UBTD1: variants seen among roughly 807,000 people sequenced by gnomAD.
UBTD1 encodes the protein ubiquitin domain containing 1.
UBTD1 carries 19 observed loss-of-function variants against 21.7 expected under a neutral mutation model. That is an observed-to-expected ratio of 0.87 (90% CI 0.61 to 1.28). The LOEUF (loss-of-function observed/expected upper bound fraction) is 1.28, where lower values mean the gene tolerates loss of function less well. Among genes scored for constraint, UBTD1 ranks in the 50% most tolerant of loss-of-function variants. The pLI, the probability that UBTD1 is intolerant of heterozygous loss-of-function variation, is 0.00. For synonymous variants in UBTD1, 116 were observed against 135.1 expected, an observed-to-expected ratio of 0.86 and a Z score of 0.98; for missense variants, 282 against 315.1, an observed-to-expected ratio of 0.89 and a Z score of 0.80.
At chr10:97,561,201 G>A (rs967584754) in intron 1 of UBTD1, among the ~76,000 whole-genome samples, 1 of 152,106 alleles carries the variant, frequency 6.6e-6, no homozygotes, top group African/African-American at 2.4e-5. Flanking sequence ...GCGCTCTTTG[G>A]ATTGCATCAC....
chr10:97,551,365 T>C lies in UBTD1; in HGVS notation c.71-16549T>C, dbSNP rs75972784. On this transcript the variant is annotated intron_variant, in intron 1 of 2. Transcript: ENST00000370664. ...AGCCTGGGCAACATAGGGAGACCTCTCTATTAAAAAAAAAAAAAAAGTTTA... is the reference window on the plus strand; with the variant it reads ...AGCCTGGGCAACATAGGGAGACCTCCCTATTAAAAAAAAAAAAAAAGTTTA... Among the ~76,000 whole-genome samples the C allele has an allele frequency of 9.8e-3, 1,392 of 142,478 alleles. 32 individuals carry two copies. Among genetic ancestry groups the C allele is most frequent in the East Asian group, 0.092 (403 of 4,390 alleles). The allele number at this position is 142,478 out of a possible 152,430, so 93.5% of individuals were successfully genotyped here. A position where few individuals can be genotyped will look rare whatever the true frequency, so the allele number is the denominator to read the frequency against.
Position 97,509,776 on chromosome 10 carries a change from G to A in UBTD1, c.70+10503G>A, listed in dbSNP as rs543265370. 8.6e-5 allele frequency among the ~76,000 whole-genome samples: 13 copies of A among 151,912 alleles called. No individual in the cohort carries two copies. The South Asian group carries it at 2.5e-3, about 29-fold the overall frequency. ...AGCGATTCTCCTACCTCAGCCTCCC[G>A]AGTAGCTGGGATTATAGGCGTACAC... On this transcript the variant is annotated intron_variant, in intron 1 of 2. Transcript: ENST00000370664.
Position 97,523,758 on chromosome 10 carries a change from C to A in UBTD1, c.70+24485C>A, listed in dbSNP as rs922373720. ...TCTTTGGGTGTAACTTGGTGGACATCAGAGTTCAGAGTTGAGGTGGTGCAG... is the reference window on the plus strand; with the variant it reads ...TCTTTGGGTGTAACTTGGTGGACATAAGAGTTCAGAGTTGAGGTGGTGCAG... On this transcript the variant is annotated intron_variant, in intron 1 of 2. Coordinates refer to ENST00000370664, the MANE Select transcript of UBTD1 (RefSeq NM_024954.5). 1.8e-4 allele frequency among the ~76,000 whole-genome samples: 27 copies of A among 151,798 alleles called. 1 individual carries two copies. Among genetic ancestry groups the A allele is most frequent in the Admixed American group, 1.2e-3 (19 of 15,242 alleles).
intron 1 of UBTD1, among the ~76,000 whole-genome samples, chr10:97,507,772 C>A (rs969788400): frequency 2.4e-5 from 2 of 82,510 alleles, no homozygotes; most frequent in Non-Finnish European, 4.6e-5. Flanking sequence ...AAGACTCCGT[C>A]TCAAAAAAAA....
intron 1 of UBTD1, among the ~76,000 whole-genome samples, chr10:97,549,380 T>C (rs2040625852): frequency 6.6e-6 from 1 of 152,254 alleles, no homozygotes; most frequent in African/African-American, 2.4e-5. Flanking sequence ...CCATCTGATC[T>C]GTGCCTCCCC....
chr10:97,557,292 T>C (rs796332918), intron 1 of UBTD1, among the ~76,000 whole-genome samples: 9 of 152,348 alleles, frequency 5.9e-5, no homozygotes, highest in African/African-American at 2.2e-4. Context: ...CCTCTCTTTT[T>C]ATTAGGATGC....
At chr10:97,508,305 G>A (rs898280572) in intron 1 of UBTD1, among the ~76,000 whole-genome samples, 5 of 152,152 alleles carry the variant, frequency 3.3e-5, no homozygotes, top group Admixed American at 2.0e-4. Flanking sequence ...AGAAGAGAAC[G>A]CTTTTTTGTT....
intron 1 of UBTD1, among the ~76,000 whole-genome samples, chr10:97,550,488 C>G (rs1251322427): frequency 6.6e-6 from 1 of 152,268 alleles, no homozygotes; most frequent in East Asian, 1.9e-4. Flanking sequence ...CTCTCCCCTG[C>G]CTCCGCCTGC....
At chr10:97,565,080 G>T (rs2040711234) in intron 1 of UBTD1, among the ~76,000 whole-genome samples, 1 of 152,070 alleles carries the variant, frequency 6.6e-6, no homozygotes, top group South Asian at 2.1e-4. Flanking sequence ...ATAAAACCAA[G>T]CTGTAATCCA....
chr10:97,548,181 T>C (rs574712826), intron 1 of UBTD1, among the ~76,000 whole-genome samples: 1 of 152,312 alleles, frequency 6.6e-6, no homozygotes, highest in Non-Finnish European at 1.5e-5. Flanking sequence ...GTAGCCAGAT[T>C]GCAGAGAGAG....
At chr10:97,507,099 C>T (rs1301030780) in intron 1 of UBTD1, among the ~76,000 whole-genome samples, 2 of 152,240 alleles carry the variant, frequency 1.3e-5, no homozygotes, top group African/African-American at 2.4e-5. Flanking sequence ...AATAACCCCC[C>T]ATAACACTTT....
In UBTD1 at chr10:97,549,833, C is replaced by T. The variant is rs10430661; in HGVS notation, c.71-18081C>T. On this transcript the variant is annotated intron_variant, in intron 1 of 2. Transcript: ENST00000370664. ...GCCAGCACTTTCCCTTCAAAAGTTACCTAGGCTCTGAGGGTCATCTCTGCT... is the reference window on the plus strand; with the variant it reads ...GCCAGCACTTTCCCTTCAAAAGTTATCTAGGCTCTGAGGGTCATCTCTGCT... 1.6e-4 allele frequency among the ~76,000 whole-genome samples: 24 copies of T among 152,356 alleles called. No homozygotes were observed. In the East Asian group the frequency reaches 4.6e-3, roughly 29 times the overall value.
chr10:97,508,495 C>T (rs1171614312), intron 1 of UBTD1, among the ~76,000 whole-genome samples: 2 of 152,128 alleles, frequency 1.3e-5, no homozygotes. Flanking sequence ...GGTTATGATG[C>T]TAAGAGACAG....
chr10:97,548,718 A>G (rs1055954474), intron 1 of UBTD1, among the ~76,000 whole-genome samples: 2 of 152,254 alleles, frequency 1.3e-5, no homozygotes, highest in African/African-American at 4.8e-5. Context: ...TGGAGGTTGC[A>G]GTGAGCTGAG....
Position 97,505,868 on chromosome 10 carries a change from T to G in UBTD1, c.70+6595T>G, listed in dbSNP as rs902267789. 2.0e-5 allele frequency among the ~76,000 whole-genome samples: 3 copies of G among 152,208 alleles called. No homozygotes were observed. The East Asian group carries it at 5.8e-4, about 29-fold the overall frequency. On this transcript the variant is annotated intron_variant, in intron 1 of 2. Coordinates refer to ENST00000370664, the MANE Select transcript of UBTD1 (RefSeq NM_024954.5). ...ACACACAAAAGCCATAGCCAGTGAT[T>G]TTTCCCACTAGATCATTGAAGCTTA...
intron 1 of UBTD1, among the ~76,000 whole-genome samples, chr10:97,514,425 C>G (rs547592373): frequency 2.0e-5 from 3 of 152,306 alleles, no homozygotes; most frequent in African/African-American, 7.2e-5. Flanking sequence ...AAGCATTTCT[C>G]CTCCCCTAGA....
intron 1 of UBTD1, among the ~76,000 whole-genome samples, chr10:97,559,536 T>G (rs536370779): frequency 6.6e-6 from 1 of 152,348 alleles, no homozygotes; most frequent in South Asian, 2.1e-4. Context: ...CATTTTATAT[T>G]TAATAATATT....
intron 1 of UBTD1, among the ~76,000 whole-genome samples, chr10:97,564,403 G>A (rs968993503): frequency 2.0e-5 from 3 of 152,196 alleles, no homozygotes; most frequent in African/African-American, 4.8e-5. Context: ...ACAGAATCCC[G>A]TTCCCTTTCC....
chr10:97,524,991 G>T (rs529753840), intron 1 of UBTD1, among the ~76,000 whole-genome samples: 5 of 152,334 alleles, frequency 3.3e-5, no homozygotes, highest in Admixed American at 3.3e-4. Flanking sequence ...TGAAGAAGGG[G>T]AAAGTGGCTT....
Sources: gnomAD v4.1 joint callset for allele counts (sites outside exome capture counted in the v4.1 genomes callset) on GRCh38, gnomAD v4.1.1 for gene constraint, MANE v1.5 for transcripts, NCBI Gene and HGNC (gene_info 2026-07-23, HGNC 2026-07-21) for gene names.